HS2ST1: variants seen among roughly 807,000 people sequenced by gnomAD.
HS2ST1 encodes the protein 2-O-sulfotransferase.
HS2ST1 carries 18 observed loss-of-function variants against 42.9 expected under a neutral mutation model. The observed-to-expected ratio is 0.42, with a 90% CI of 0.29 to 0.62. HS2ST1 has a LOEUF of 0.62. Ranked by LOEUF, HS2ST1 falls within the 20% of genes least tolerant of loss-of-function variation. The probability of loss-of-function intolerance (pLI) is 0.21; values close to 1 mark genes in which losing one functional copy is unlikely to be tolerated. For synonymous variants in HS2ST1, 146 were observed against 152.9 expected, an observed-to-expected ratio of 0.95 and a Z score of 0.33; for missense variants, 334 against 433.8, an observed-to-expected ratio of 0.77 and a Z score of 2.04.
chr1:87,057,879 C>A (rs1219050157), intron 1 of HS2ST1, among the ~76,000 whole-genome samples: 5 of 151,502 alleles, frequency 3.3e-5, no homozygotes, highest in Admixed American at 1.3e-4. Flanking sequence ...AGAAAAAAAA[C>A]TGTATTTTTT....
At chr1:86,963,493 C>G (rs1009532280) in intron 1 of HS2ST1, among the ~76,000 whole-genome samples, 2 of 152,254 alleles carry the variant, frequency 1.3e-5, no homozygotes, top group Non-Finnish European at 2.9e-5. Flanking sequence ...CATAGATCAA[C>G]AGCATCCCAA....
At chr1:86,975,537 A>C (rs762246543) in intron 1 of HS2ST1, among the ~76,000 whole-genome samples, 1 of 152,204 alleles carries the variant, frequency 6.6e-6, no homozygotes, top group Non-Finnish European at 1.5e-5. Flanking sequence ...AATCTAAATG[A>C]GACTGCTTAA....
intron 1 of HS2ST1, among the ~76,000 whole-genome samples, chr1:87,058,155 G>C (rs754416825): frequency 6.6e-6 from 1 of 151,662 alleles, no homozygotes; most frequent in African/African-American, 2.4e-5. Context: ...CCTGATTTCA[G>C]CTCTCATCAG....
chr1:87,012,934 CCAGGTCACGCTGATG>C (rs1649644231), intron 1 of HS2ST1, among the ~76,000 whole-genome samples: 1 of 152,198 alleles, frequency 6.6e-6, no homozygotes, highest in Non-Finnish European at 1.5e-5. Context: ...TATCTTACAT[CCAGGTCACGCTGATG>C]CAGGAGGTGG....
chr1:87,040,666 A>G (rs2100604120), intron 1 of HS2ST1, among the ~76,000 whole-genome samples: 1 of 152,302 alleles, frequency 6.6e-6, no homozygotes, highest in Non-Finnish European at 1.5e-5. Flanking sequence ...CGTTCTGCTT[A>G]TAGAATGTTA....
intron 1 of HS2ST1, among the ~76,000 whole-genome samples, chr1:86,992,168 C>T (rs1648970690): frequency 6.6e-6 from 1 of 151,876 alleles, no homozygotes; most frequent in South Asian, 2.1e-4. Flanking sequence ...CCTCCCACTC[C>T]CCATTCCACC....
intron 1 of HS2ST1, among the ~76,000 whole-genome samples, chr1:86,937,622 A>G (rs888197981): frequency 1.3e-5 from 2 of 152,032 alleles, no homozygotes; most frequent in South Asian, 2.1e-4. Context: ...TTTTTTCAGC[A>G]TCTTATTTGG....
At chr1:87,093,684 C>A (rs867291232) in intron 4 of HS2ST1, among the ~76,000 whole-genome samples, 13 of 152,020 alleles carry the variant, frequency 8.6e-5, no homozygotes, top group South Asian at 2.1e-4. Flanking sequence ...CTAGGTTACC[C>A]GTAAGTGCTT....
At chr1:86,950,512 A>C (rs570511637) in intron 1 of HS2ST1, among the ~76,000 whole-genome samples, 7 of 152,310 alleles carry the variant, frequency 4.6e-5, no homozygotes, top group Admixed American at 1.3e-4. Context: ...GGGTGACTGG[A>C]GAAATTGTAG....
intron 1 of HS2ST1, among the ~76,000 whole-genome samples, chr1:86,989,468 TTTTA>T (rs1185528162): frequency 1.3e-5 from 2 of 152,238 alleles, no homozygotes. Flanking sequence ...TTTATTTGCT[TTTTA>T]TAAAGAGGCT....
chr1:87,097,639 G>A (rs768243686), intron 4 of HS2ST1, among the ~76,000 whole-genome samples, 199 bp from the exon 5 acceptor site: 2 of 152,090 alleles, frequency 1.3e-5, no homozygotes, highest in Non-Finnish European at 2.9e-5. Context: ...CGATCTGCCC[G>A]CCTCGGCCTC....
chr1:87,016,978 A>C (rs1197199646), intron 1 of HS2ST1, among the ~76,000 whole-genome samples: 1 of 152,102 alleles, frequency 6.6e-6, no homozygotes, highest in Non-Finnish European at 1.5e-5. Flanking sequence ...GGCACCTTAA[A>C]GCTTGAAAAT....
At chr1:87,010,378 A>G (rs1047132959) in intron 1 of HS2ST1, among the ~76,000 whole-genome samples, 2 of 152,194 alleles carry the variant, frequency 1.3e-5, no homozygotes, top group Non-Finnish European at 2.9e-5. Context: ...TTAGGAAATA[A>G]CAGTAAAATC....
At chr1:86,960,183 A>G (rs1022316179) in intron 1 of HS2ST1, among the ~76,000 whole-genome samples, 1 of 150,044 alleles carries the variant, frequency 6.7e-6, no homozygotes, top group Non-Finnish European at 1.5e-5. Flanking sequence ...TTTTTCCACA[A>G]GTGGCACTGG....
In HS2ST1 at chr1:87,034,629, G is replaced by A. The variant is rs529889001; in HGVS notation, c.125-38305G>A. Among the ~76,000 whole-genome samples the A allele has an allele frequency of 8.5e-5, 13 of 152,262 alleles. No homozygotes were observed. The East Asian group carries it at 1.5e-3, about 18-fold the overall frequency. Reference sequence around the variant, plus strand: ...TTTGAAAGAATCTTGAGGTTTCAAAGCCTTTCAAATTCTCTCAGTTGAGAA... The same window carrying A: ...TTTGAAAGAATCTTGAGGTTTCAAAACCTTTCAAATTCTCTCAGTTGAGAA... On this transcript the variant is annotated intron_variant, in intron 1 of 6. Coordinates refer to ENST00000370550, the MANE Select transcript of HS2ST1 (RefSeq NM_012262.4).
chr1:87,057,017 AAAT>A (rs1389118716), intron 1 of HS2ST1, among the ~76,000 whole-genome samples: 1 of 152,180 alleles, frequency 6.6e-6, no homozygotes, highest in Non-Finnish European at 1.5e-5. Flanking sequence ...ACTCCAACCC[AAAT>A]AATATATGGT....
At chr1:86,933,372 G>T (rs986309127) in intron 1 of HS2ST1, among the ~76,000 whole-genome samples, 3 of 152,140 alleles carry the variant, frequency 2.0e-5, no homozygotes, top group African/African-American at 7.2e-5. Context: ...TTGCCTTTCA[G>T]TTTGGGAAGT....
At chr1:86,946,930 C>T (rs986940440) in intron 1 of HS2ST1, among the ~76,000 whole-genome samples, 5 of 152,086 alleles carry the variant, frequency 3.3e-5, no homozygotes, top group Admixed American at 6.5e-5. Flanking sequence ...TTCTCCTTGT[C>T]AAGAATTGTG....
chr1:86,915,126 G>A lies in HS2ST1; in HGVS notation c.90G>A (p.Gln30=). ...TGGCGATGCTCTTCTTGGAAAACCA[G>A]ATCCAGAAACTGGAGGAGTCCCGCT... ...FAVAMLFLEN[Q]IQKLEESRSK... Residue 30 remains glutamine (Q), a synonymous_variant, in exon 1 of 7, where the codon CAG becomes CAA. Transcript: ENST00000370550. The A allele has an allele frequency of 6.2e-7, 1 of 1,614,138 alleles. No individual in the cohort carries two copies.
Sources: allele counts gnomAD v4.1 joint callset (sites outside exome capture counted in the v4.1 genomes callset), GRCh38; gene constraint gnomAD v4.1.1; transcripts MANE v1.5; gene names NCBI Gene and HGNC (gene_info 2026-07-23, HGNC 2026-07-21).